POLR3B: variants seen among roughly 807,000 people sequenced by gnomAD.
POLR3B encodes DNA-directed RNA polymerase III subunit RPC2.
A neutral mutation model predicts 147.4 loss-of-function variants in POLR3B; 96 were observed. The observed-to-expected ratio is 0.65, with a 90% CI of 0.55 to 0.77. The LOEUF is 0.77. Ranked by LOEUF, POLR3B falls within the 30% of genes least tolerant of loss-of-function variation. The pLI is 0.00. For synonymous variants in POLR3B, 461 were observed against 485.9 expected (o/e 0.95, Z 0.67); for missense variants, 1,036 against 1,413.5 (o/e 0.73, Z 4.28).
At chr12:106,479,953 C>T (rs2038243392) in intron 23 of POLR3B, among the ~76,000 whole-genome samples, 1 of 151,598 alleles carries the variant, frequency 6.6e-6, no homozygotes, top group Admixed American at 6.6e-5. Context: ...AGCTGCACTA[C>T]AGGCATGCAC....
Position 106,375,881 on chromosome 12 carries a change from A to G in POLR3B, c.405-478A>G, listed in dbSNP as rs116345634. Among the ~76,000 whole-genome samples the G allele has an allele frequency of 6.8e-3, 1,034 of 152,268 alleles. 17 individuals carry two copies. Among genetic ancestry groups the G allele is most frequent in the African/African-American group, 0.024 (994 of 41,560 alleles). ...GTTTTTTTGTTTTGTTTTTTGAGACAGAGCCTCACTCTGGAGTGCAGTGGT... is the reference window on the plus strand; with the variant it reads ...GTTTTTTTGTTTTGTTTTTTGAGACGGAGCCTCACTCTGGAGTGCAGTGGT... On this transcript the variant is annotated intron_variant, in intron 6 of 27. Transcript: ENST00000228347.
intron 6 of POLR3B, among the ~76,000 whole-genome samples, chr12:106,376,126 A>C (rs959481868): frequency 1.3e-5 from 2 of 152,272 alleles, no homozygotes; most frequent in Middle Eastern, 3.4e-3. Context: ...GATTATAGGC[A>C]TGAGCCACTG....
At chr12:106,409,533 A>G (rs998788722) in intron 11 of POLR3B, among the ~76,000 whole-genome samples, 4 of 151,822 alleles carry the variant, frequency 2.6e-5, no homozygotes, top group Admixed American at 2.6e-4. Flanking sequence ...AATAGAGAGT[A>G]AATTGACCTA....
chr12:106,443,410 T>A (rs781563474), intron 18 of POLR3B, among the ~76,000 whole-genome samples: 65 of 152,372 alleles, frequency 4.3e-4, no homozygotes, highest in Admixed American at 2.4e-3. Flanking sequence ...AAGTAAAATT[T>A]AAAAATTCAG....
chr12:106,472,393 G>C (rs1202652119), intron 23 of POLR3B, among the ~76,000 whole-genome samples: 1 of 150,388 alleles, frequency 6.6e-6, no homozygotes, highest in Non-Finnish European at 1.5e-5. Context: ...TGGGATGGCT[G>C]GGTCAAATGG....
intron 2 of POLR3B, among the ~76,000 whole-genome samples, chr12:106,365,944 C>G (rs866557453): frequency 4.6e-5 from 7 of 151,932 alleles, no homozygotes; most frequent in African/African-American, 1.5e-4. Context: ...ATATCACTGT[C>G]TTCCATCTCC....
intron 10 of POLR3B, among the ~76,000 whole-genome samples, chr12:106,404,059 C>T (rs1565886080): frequency 1.3e-5 from 2 of 150,920 alleles, no homozygotes; most frequent in African/African-American, 4.9e-5. Context: ...TACCATTTTG[C>T]ATTTACACCA....
chr12:106,457,579 C>A (rs1334797564), intron 21 of POLR3B, among the ~76,000 whole-genome samples: 1 of 152,102 alleles, frequency 6.6e-6, no homozygotes, highest in Non-Finnish European at 1.5e-5. Context: ...AGTTTATGTC[C>A]CTGCATCTGC....
chr12:106,398,004 G>A (rs894049033), intron 10 of POLR3B, among the ~76,000 whole-genome samples: 6 of 152,220 alleles, frequency 3.9e-5, no homozygotes, highest in African/African-American at 1.2e-4. Context: ...TGGGTGCAGC[G>A]CACCGTGCGT....
intron 23 of POLR3B, among the ~76,000 whole-genome samples, chr12:106,479,684 A>G (rs1034481707): frequency 6.6e-6 from 1 of 152,032 alleles, no homozygotes; most frequent in African/African-American, 2.4e-5. Context: ...CACCCAGCCT[A>G]TTCTTTCTCT....
chr12:106,467,010 G>A (rs1390989254), intron 23 of POLR3B, among the ~76,000 whole-genome samples: 1 of 152,152 alleles, frequency 6.6e-6, no homozygotes, highest in African/African-American at 2.4e-5. Flanking sequence ...TAGCTTGATG[G>A]GGATAGCATT....
intron 9 of POLR3B, among the ~76,000 whole-genome samples, chr12:106,391,340 A>G (rs574390838): frequency 2.0e-5 from 3 of 152,318 alleles, no homozygotes; most frequent in South Asian, 2.1e-4. Context: ...CTTCAAAGTC[A>G]TCATACGTGC....
Position 106,378,253 on chromosome 12 carries a change from T to C in POLR3B, c.497-14T>C. On this transcript the variant is annotated splice_polypyrimidine_tract_variant and intron_variant, in intron 7 of 27. Transcript: ENST00000228347. ...GGAATAAATGATGAAGTTTTTCTTG[T>C]TTCCTTTGGGTAGGTGGCTACTTCA... The C allele has an allele frequency of 1.3e-6, 2 of 1,502,640 alleles. No homozygotes were observed. Among genetic ancestry groups the C allele is most frequent in the Non-Finnish European group, 1.9e-6 (2 of 1,078,218 alleles). 93.1% of individuals were successfully genotyped at this position (1,502,640 alleles called of 1,614,324 possible). A position where few individuals can be genotyped will look rare whatever the true frequency, so the allele number is the denominator to read the frequency against.
intron 9 of POLR3B, among the ~76,000 whole-genome samples, chr12:106,388,151 A>C (rs192343632): frequency 6.6e-6 from 1 of 152,284 alleles, no homozygotes; most frequent in African/African-American, 2.4e-5. Context: ...GACTTGGATC[A>C]CTACAAAGGT....
chr12:106,380,226 A>G (rs2036741273), intron 9 of POLR3B, 87 bp downstream of exon 9: 2 of 782,056 alleles, frequency 2.6e-6, no homozygotes, highest in Admixed American at 2.0e-5. Flanking sequence ...AGGGTAAGGA[A>G]TTCTTGGAAT....
intron 6 of POLR3B, among the ~76,000 whole-genome samples, 171 bp downstream of exon 6, chr12:106,369,854 T>G (rs959259115): frequency 2.6e-5 from 4 of 152,220 alleles, no homozygotes; most frequent in Non-Finnish European, 5.9e-5. Flanking sequence ...TGGTTGTTAC[T>G]ATTTATTAAT....
At chr12:106,410,380 C>T (rs1211978595) in intron 11 of POLR3B, 1 of 163,306 alleles carries the variant, frequency 6.1e-6, no homozygotes, top group East Asian at 1.7e-4. Flanking sequence ...TAGCCTCTCT[C>T]TCTGTGCAAC....
intron 23 of POLR3B, among the ~76,000 whole-genome samples, chr12:106,490,735 T>A (rs1469335915): frequency 6.6e-6 from 1 of 152,226 alleles, no homozygotes; most frequent in African/African-American, 2.4e-5. Flanking sequence ...TGTGTTAGCC[T>A]TAACATTTTG....
intron 12 of POLR3B, among the ~76,000 whole-genome samples, chr12:106,417,273 G>A (rs780014797): frequency 1.3e-5 from 2 of 152,180 alleles, no homozygotes; most frequent in Admixed American, 6.5e-5. Flanking sequence ...CCTAAGGCAC[G>A]AATGAATTTA....
Sources: gnomAD v4.1 joint callset for allele counts (sites outside exome capture counted in the v4.1 genomes callset) on GRCh38, gnomAD v4.1.1 for gene constraint, MANE v1.5 for transcripts, NCBI Gene and HGNC (gene_info 2026-07-23, HGNC 2026-07-21) for gene names.